Variants in TTYH3 observed in about 807,000 individuals in gnomAD.
The protein encoded by TTYH3 is protein tweety homolog 3.
A neutral mutation model predicts 68.2 loss-of-function variants in TTYH3; 23 were observed. The ratio of observed to expected loss-of-function variants is 0.34; its 90% confidence interval spans 0.24 to 0.48. TTYH3 has a LOEUF of 0.48. Among genes scored for constraint, TTYH3 ranks in the 20% least tolerant of loss-of-function variants. TTYH3 has a pLI of 0.99. For missense variants in TTYH3, 768 were observed against 727.7 expected, an observed-to-expected ratio of 1.06 and a Z score of -0.64; for synonymous variants, 360 against 332.8, an observed-to-expected ratio of 1.08 and a Z score of -0.89.
intron 6 of TTYH3, 44 bp downstream of exon 6, chr7:2,649,683 C>G: frequency 6.4e-7 from 1 of 1,569,662 alleles, no homozygotes; most frequent in Non-Finnish European, 8.6e-7. Context: ...TGGACCTGGG[C>G]ACTGGGGGAG....
intron 1 of TTYH3, among the ~76,000 whole-genome samples, chr7:2,635,315 C>T (rs1434643725): frequency 2.6e-5 from 4 of 152,218 alleles, no homozygotes; most frequent in Non-Finnish European, 5.9e-5. Flanking sequence ...CATCGCAGGC[C>T]TGCACCCTCG....
rs976069602 is a variant in TTYH3 at position 2,659,818 on chromosome 7, C to T, written c.1500+803C>T. 29 of 1,199,802 alleles carry T rather than the reference C, an allele frequency of 2.4e-5. No homozygotes were observed. In the East Asian group the frequency reaches 4.2e-4, roughly 17 times the overall value. The allele number at this position is 1,199,802 out of a possible 1,614,324, so 74.3% of individuals were successfully genotyped here. ...ACACAGGTGCAGGCCCAGTCCCGCT[C>T]GGCTGCCCTCGTCCTCGCCATCACA... On this transcript the variant is annotated intron_variant, in intron 13 of 13. Coordinates refer to ENST00000258796, the MANE Select transcript of TTYH3 (RefSeq NM_025250.3).
Position 2,645,723 on chromosome 7 carries a change from C to T in TTYH3, c.124-1130C>T. 1 of 466,040 alleles carries T rather than the reference C, an allele frequency of 2.1e-6. No homozygotes were observed. The allele number at this position is 466,040 out of a possible 1,614,324, so 28.9% of individuals were successfully genotyped here. A position where few individuals can be genotyped will look rare whatever the true frequency, so the allele number is the denominator to read the frequency against. On this transcript the variant is annotated intron_variant, in intron 1 of 13. Transcript: ENST00000258796. The surrounding 1 kb of genome is among the most constrained non-coding windows in gnomAD (Gnocchi z 4.8). The stretch of plus-strand genomic sequence containing the variant: ...GTGCAGCTTCTCGGTGCACAGACCC[C>T]AGACAGGATCAGACTCCTGATGGGG...
rs1031008606 is a variant in TTYH3, at chr7:2,646,870, G to A, written c.141G>A (p.Gly47=). 5.0e-6 allele frequency: 8 copies of A among 1,596,504 alleles called. No homozygotes were observed. Among genetic ancestry groups the A allele is most frequent in the African/African-American group, 1.3e-5 (1 of 74,860 alleles). Residue 47 remains glycine (G), a synonymous_variant, in exon 2 of 14, where the codon GGG becomes GGA. Transcript: ENST00000258796. ...GCCCTCAGGCCCTGCTGCTCCTGGG[G>A]GCCGCCGCCCTGGCCTGCCTCGCCC... is the stretch of plus-strand genomic sequence containing the variant. ...TDYQQALLLL[G]AAALACLALD... is the part of the protein sequence containing the mutation.
chr7:2,655,188 C>T (rs571858964), intron 9 of TTYH3, among the ~76,000 whole-genome samples: 10 of 152,218 alleles, frequency 6.6e-5, no homozygotes, highest in African/African-American at 2.2e-4. Flanking sequence ...ACTCTCTTGC[C>T]GAGGCTGGAG....
chr7:2,654,240 C>A (rs192961704), intron 9 of TTYH3, among the ~76,000 whole-genome samples: 1 of 152,084 alleles, frequency 6.6e-6, no homozygotes, highest in Non-Finnish European at 1.5e-5. Flanking sequence ...CAAAAAAATA[C>A]AAAAACTAGC....
intron 13 of TTYH3, chr7:2,660,072 G>A: frequency 2.3e-6 from 3 of 1,290,782 alleles, no homozygotes; most frequent in Non-Finnish European, 3.1e-6. Flanking sequence ...ATCCCGCACG[G>A]CCACCCGCCT....
chr7:2,644,067 G>C (rs889362083), intron 1 of TTYH3, among the ~76,000 whole-genome samples: 1 of 152,196 alleles, frequency 6.6e-6, no homozygotes, highest in Non-Finnish European at 1.5e-5. Flanking sequence ...ACCAGCCCGG[G>C]GCCAAGATGC....
chr7:2,647,393 C>T (rs1786026192), intron 3 of TTYH3, 25 bp from the exon 4 acceptor site: 1 of 1,470,426 alleles, frequency 6.8e-7, no homozygotes. Flanking sequence ...GCGCTCCCAG[C>T]CTCACGCCCG....
At chr7:2,656,006 C>T in intron 9 of TTYH3, 86 bp from the exon 10 acceptor site, 1 of 1,091,402 alleles carries the variant, frequency 9.2e-7, no homozygotes, top group East Asian at 2.7e-5. Flanking sequence ...TGGAGGGAGA[C>T]CTGGGGGCTT....
intron 1 of TTYH3, among the ~76,000 whole-genome samples, chr7:2,633,188 C>CCCGTGACCAGGGT (rs1785567366): frequency 6.6e-6 from 1 of 152,152 alleles, no homozygotes; most frequent in Admixed American, 6.5e-5. Flanking sequence ...TTCCAGAAGC[C>CCCGTGACCAGGGT]CCGTGACCAG....
At chr7:2,638,872 C>A (rs368679616) in intron 1 of TTYH3, among the ~76,000 whole-genome samples, 1 of 152,164 alleles carries the variant, frequency 6.6e-6, no homozygotes, top group Non-Finnish European at 1.5e-5. Flanking sequence ...AGGGGACCCA[C>A]GAGGCAAAGG....
At chr7:2,642,025 C>T (rs537718898) in intron 1 of TTYH3, among the ~76,000 whole-genome samples, 12 of 152,346 alleles carry the variant, frequency 7.9e-5, no homozygotes, top group African/African-American at 2.6e-4. Context: ...GCAGGGGCCC[C>T]GAAGCCTGGC....
intron 1 of TTYH3, among the ~76,000 whole-genome samples, chr7:2,637,851 C>CTGAG (rs1785721736): frequency 6.6e-6 from 1 of 152,154 alleles, no homozygotes; most frequent in South Asian, 2.1e-4. Flanking sequence ...GGGAGGCTGG[C>CTGAG]TGAGACCTGA....
In TTYH3 at chr7:2,664,299, T is replaced by C. The variant is rs1786564718; in HGVS notation, c.*2560T>C. 6.6e-6 allele frequency: 1 copy of C among 152,362 alleles called. No individual in the cohort carries two copies. 9.4% of individuals were successfully genotyped at this position (152,362 alleles called of 1,614,324 possible). ...AATTCGAGTTCCAAGCAACATTTGCTCCTGCCCTGGGGCCAGCTCTGCCCC... is the reference window on the plus strand; with the variant it reads ...AATTCGAGTTCCAAGCAACATTTGCCCCTGCCCTGGGGCCAGCTCTGCCCC... On this transcript the variant is annotated 3_prime_UTR_variant, in exon 14 of 14. Coordinates refer to ENST00000258796, the MANE Select transcript of TTYH3 (RefSeq NM_025250.3).
At chr7:2,643,031 C>G (rs1453579831) in intron 1 of TTYH3, among the ~76,000 whole-genome samples, 5 of 149,350 alleles carry the variant, frequency 3.3e-5, no homozygotes, top group African/African-American at 1.2e-4. Context: ...CCACTGCACT[C>G]CAGCTTGGGC....
chr7:2,652,037 A>G (rs1562715954), intron 7 of TTYH3, 150 bp from the exon 8 acceptor site: 2 of 686,672 alleles, frequency 2.9e-6, no homozygotes, highest in Non-Finnish European at 5.2e-6. Context: ...ACACATGCAC[A>G]TGTGTAAACA....
At chr7:2,632,347 A>C (rs1785545146) in intron 1 of TTYH3, 69 bp downstream of exon 1, 9 of 1,393,748 alleles carry the variant, frequency 6.5e-6, no homozygotes, top group Non-Finnish European at 7.6e-6. Flanking sequence ...TCCCAGGGTC[A>C]CGGCCCCCAT....
In TTYH3 at chr7:2,647,200, G is replaced by T; in HGVS notation, c.352G>T (p.Ala118Ser). 2 of 1,606,094 alleles carry T rather than the reference G, an allele frequency of 1.2e-6. No homozygotes were observed. The highest frequency in any genetic ancestry group is 2.2e-5 in the South Asian group (2 of 89,992). ...GGAGACCAGTGATGGCATCCATAGGGCCACCTACTCGCTCCGCCACGCCAA... is the reference window on the plus strand; with the variant it reads ...GGAGACCAGTGATGGCATCCATAGGTCCACCTACTCGCTCCGCCACGCCAA... ...NGETSDGIHRATYSLRHANRT... is the reference protein window; with the variant it reads ...NGETSDGIHRSTYSLRHANRT... Residue 118 changes from alanine (A) to serine (S), a missense_variant, in exon 3 of 14, where the codon GCC (alanine) becomes TCC (serine). Ala to Ser is a moderately conservative substitution (Grantham distance 99, BLOSUM62 1). Transcript: ENST00000258796.
Sources: gnomAD v4.1 joint callset for allele counts (sites outside exome capture counted in the v4.1 genomes callset) on GRCh38, gnomAD v4.1.1 for gene constraint, Gnocchi (gnomAD v3.1) non-coding constraint, MANE v1.5 for transcripts, NCBI Gene and HGNC (gene_info 2026-07-23, HGNC 2026-07-21) for gene names.